Variants in SF3B1 observed in about 807,000 individuals in gnomAD.
The protein encoded by SF3B1 is pre-mRNA processing 10.
In SF3B1, 12 loss-of-function variants were observed where a neutral mutation model predicts 153.8. The observed-to-expected ratio is 0.08, with a 90% CI of 0.05 to 0.13. SF3B1 has a LOEUF of 0.13. Among genes scored for constraint, SF3B1 ranks in the 10% least tolerant of loss-of-function variants. The probability of loss-of-function intolerance (pLI) is 1.00; values close to 1 mark genes in which losing one functional copy is unlikely to be tolerated. For synonymous variants in SF3B1, 498 were observed against 525.2 expected (o/e 0.95, Z 0.71); for missense variants, 513 against 1,606.1 (o/e 0.32, Z 11.63).
intron 22 of SF3B1, 145 bp downstream of exon 22, chr2:197,397,840 A>G (rs1479575614): frequency 9.7e-6 from 5 of 513,442 alleles, no homozygotes; most frequent in Non-Finnish European, 1.3e-5. Context: ...CAATAATCAG[A>G]AGGTCAGTGG....
At chr2:197,430,435 T>C (rs2085409443) in intron 1 of SF3B1, among the ~76,000 whole-genome samples, 1 of 152,094 alleles carries the variant, frequency 6.6e-6, no homozygotes, top group African/African-American at 2.4e-5. Flanking sequence ...AGGGGTTCAT[T>C]TTACTACTCA....
chr2:197,398,603 AC>A (rs757640070), intron 20 of SF3B1, 22 bp from the exon 21 acceptor site: 1 of 1,605,928 alleles, frequency 6.2e-7, no homozygotes. Flanking sequence ...AAGTCAATAA[AC>A]TATCAACATT....
Position 197,405,157 on chromosome 2 carries a change from T to G in SF3B1, c.1458A>C (p.Thr486=), listed in dbSNP as rs374940926. 1.9e-5 allele frequency: 31 copies of G among 1,611,172 alleles called. No homozygotes were observed. The highest frequency in any genetic ancestry group is 2.6e-5 in the Non-Finnish European group (31 of 1,178,656). The part of the protein sequence containing the change: ...DKLLVDVDES[T]LSPEEQKERK... The stretch of plus-strand genomic sequence containing the variant: ...TCTCTTTTTGCTCTTCTGGACTAAG[T>G]GTTGATTCATCAACATCAACCTATA... The change falls in exon 11 of 25, where the codon ACA becomes ACC. Residue 486 remains threonine (T), a synonymous_variant. Transcript: ENST00000335508.
At chr2:197,403,099 C>T in intron 12 of SF3B1, 64 bp from the exon 13 acceptor site, 1 of 1,114,600 alleles carries the variant, frequency 9.0e-7, no homozygotes, top group East Asian at 2.4e-5. Context: ...TGCTCATGTA[C>T]AGAATTAAAC....
intron 6 of SF3B1, among the ~76,000 whole-genome samples, chr2:197,411,687 A>G (rs2085070423): frequency 6.6e-6 from 1 of 150,958 alleles, no homozygotes; most frequent in African/African-American, 2.4e-5. Flanking sequence ...AAAAAAGAAA[A>G]AAAGTTGGGA....
chr2:197,397,448 C>T (rs186859537), intron 22 of SF3B1, among the ~76,000 whole-genome samples: 3 of 152,220 alleles, frequency 2.0e-5, no homozygotes, highest in Non-Finnish European at 4.4e-5. Flanking sequence ...CCTGAAAACA[C>T]CTAAAGTGTA....
rs1464909194 is a variant in SF3B1, at chr2:197,391,368, T to C, written c.*935A>G. 4.6e-5 allele frequency: 7 copies of C among 152,194 alleles called. No individual in the cohort carries two copies. The South Asian group carries it at 6.2e-4, about 13-fold the overall frequency. 9.4% of individuals were successfully genotyped at this position (152,194 alleles called of 1,614,324 possible). A position where few individuals can be genotyped will look rare whatever the true frequency, so the allele number is the denominator to read the frequency against. On this transcript the variant is annotated 3_prime_UTR_variant, in exon 25 of 25. Transcript: ENST00000335508. ...TTCTCCATTATACTGTTCTTAAAGG[T>C]AGAGGGCAGGTCTCATGCACCTTTG... is the stretch of plus-strand genomic sequence containing the variant.
At chr2:197,393,373 G>C in intron 23 of SF3B1, 185 bp from the exon 24 acceptor site, 1 of 577,828 alleles carries the variant, frequency 1.7e-6, no homozygotes, top group Non-Finnish European at 3.1e-6. Context: ...ATATCCTTTA[G>C]AATAGCTTCC....
At chr2:197,397,792 G>A (rs933584033) in intron 22 of SF3B1, among the ~76,000 whole-genome samples, 193 bp downstream of exon 22, 13 of 147,832 alleles carry the variant, frequency 8.8e-5, no homozygotes, top group African/African-American at 2.5e-4. Context: ...GCGAGACTCC[G>A]TCTCAAAAAA....
intron 1 of SF3B1, among the ~76,000 whole-genome samples, chr2:197,426,749 C>G (rs1036997171): frequency 6.6e-6 from 1 of 152,098 alleles, no homozygotes; most frequent in African/African-American, 2.4e-5. Flanking sequence ...TTAACAAACA[C>G]CCTAGGAAAC....
At chr2:197,396,491 T>C (rs1434625284) in intron 22 of SF3B1, among the ~76,000 whole-genome samples, 163 bp from the exon 23 acceptor site, 1 of 152,236 alleles carries the variant, frequency 6.6e-6, no homozygotes, top group Non-Finnish European at 1.5e-5. Flanking sequence ...GTTGTTTCTA[T>C]ATAAAAATTT....
intron 6 of SF3B1, among the ~76,000 whole-genome samples, chr2:197,411,088 C>T (rs1018404543): frequency 2.0e-5 from 3 of 152,124 alleles, no homozygotes; most frequent in African/African-American, 7.2e-5. Context: ...CATACAGGCG[C>T]ACACCACCAC....
rs535802845 is a variant in SF3B1 at position 197,390,549 on chromosome 2, T to G, written c.*1754A>C. On this transcript the variant is annotated 3_prime_UTR_variant, in exon 25 of 25. Coordinates refer to ENST00000335508, the MANE Select transcript of SF3B1 (RefSeq NM_012433.4). ...CAGAAAGTTGTCATACAAGGAATGA[T>G]GAGGAGTTACAAATCCAACTTGGAA... The G allele has an allele frequency of 3.3e-5, 5 of 152,130 alleles. No homozygotes were observed. Among genetic ancestry groups the G allele is most frequent in the Middle Eastern group, 3.2e-3 (1 of 316 alleles). The allele number at this position is 152,130 out of a possible 1,614,324, so 9.4% of individuals were successfully genotyped here.
chr2:197,406,221 T>C (rs1186872310), intron 9 of SF3B1, among the ~76,000 whole-genome samples: 2 of 150,818 alleles, frequency 1.3e-5, no homozygotes, highest in African/African-American at 4.9e-5. Flanking sequence ...CTTGGCAACA[T>C]GGCAAGACCC....
chr2:197,399,007 C>A, intron 20 of SF3B1: 2 of 1,251,206 alleles, frequency 1.6e-6, no homozygotes, highest in Middle Eastern at 2.2e-4. Flanking sequence ...AGTCTCCCTG[C>A]AATGCAGGGC....
At chr2:197,427,025 T>C (rs1164736113) in intron 1 of SF3B1, among the ~76,000 whole-genome samples, 1 of 152,246 alleles carries the variant, frequency 6.6e-6, no homozygotes, top group African/African-American at 2.4e-5. Flanking sequence ...ATAACACTTA[T>C]TCTGGAACTA....
rs747300641 is a variant in SF3B1, at chr2:197,405,118, C to T, written c.1497G>A (p.Lys499=). The change falls in exon 11 of 25, where the codon AAG becomes AAA. Residue 499 remains lysine (K), a synonymous_variant. Coordinates refer to ENST00000335508, the MANE Select transcript of SF3B1 (RefSeq NM_012433.4). ...TTCCATTCTTAATTTTTAAAAGCAA[C>T]TTCATTATTTTTCTCTCTTTTTGCT... The part of the protein sequence containing the change: ...PEEQKERKIM[K]LLLKIKNGTP... 215 of 1,612,416 alleles carry T rather than the reference C, an allele frequency of 1.3e-4. No individual in the cohort carries two copies. The highest frequency in any genetic ancestry group is 1.7e-4 in the Non-Finnish European group (206 of 1,179,152).
Position 197,402,390 on chromosome 2 carries a change from CCTA to C in SF3B1, c.2077+163_2077+165del. ...GTAGCCCAAATTTTAGGACAGCTGT[CCTA>C]TTAAACATGGACAGGCTGTGTGTGT... On this transcript the variant is annotated intron_variant, in intron 14 of 24. Coordinates refer to ENST00000335508, the MANE Select transcript of SF3B1 (RefSeq NM_012433.4). The surrounding 1 kb of genome is among the most constrained non-coding windows in gnomAD (Gnocchi z 4.6). 1 of 702,032 alleles carries C rather than the reference CCTA, an allele frequency of 1.4e-6. No homozygotes were observed. The highest frequency in any genetic ancestry group is 2.0e-5 in the South Asian group (1 of 50,490). The allele number at this position is 702,032 out of a possible 1,614,324, so 43.5% of individuals were successfully genotyped here.
rs1393670504 is a variant in SF3B1 at position 197,402,668 on chromosome 2, C to T, written c.1965G>A (p.Lys655=). 1 of 1,614,050 alleles carries T rather than the reference C, an allele frequency of 6.2e-7. No homozygotes were observed. Among genetic ancestry groups the T allele is most frequent in the African/African-American group, 1.3e-5 (1 of 74,930 alleles). The change falls in exon 14 of 25, where the codon AAG becomes AAA. Residue 655 remains lysine (K), a synonymous_variant. Coordinates refer to ENST00000335508, the MANE Select transcript of SF3B1 (RefSeq NM_012433.4). This position sits in a 1 kb window ranked among gnomAD's most constrained non-coding sequence, Gnocchi z 4.6. The part of the protein sequence containing the change: ...LPFLKAVCKS[K]KSWQARHTGI... ...CAGTGTGTCTCGCTTGCCAGGACTTCTTGCTTTTGCACACAGCTTTTAAGA... is the reference window on the plus strand; with the variant it reads ...CAGTGTGTCTCGCTTGCCAGGACTTTTTGCTTTTGCACACAGCTTTTAAGA...
Sources: allele counts gnomAD v4.1 joint callset (sites outside exome capture counted in the v4.1 genomes callset), GRCh38; gene constraint gnomAD v4.1.1; non-coding constraint Gnocchi (gnomAD v3.1); transcripts MANE v1.5; gene names NCBI Gene and HGNC (gene_info 2026-07-23, HGNC 2026-07-21).